The following RYR2 variants were observed in gnomAD, a reference collection of about 807,000 sequenced individuals.
The protein encoded by RYR2 is ryanodine receptor 2, also known as cardiac muscle ryanodine receptor-calcium release channel.
Under a neutral mutation model 601.1 loss-of-function variants are expected in RYR2, and 227 were observed. The observed-to-expected ratio is 0.38, with a 90% CI of 0.34 to 0.42. RYR2 has a LOEUF of 0.42. Ranked by LOEUF, RYR2 falls within the 10% of genes least tolerant of loss-of-function variation. The pLI is 1.00. For synonymous variants in RYR2, 2,223 were observed against 2,175.1 expected, an observed-to-expected ratio of 1.02 and a Z score of -0.61; for missense variants, 4,646 against 6,156.5, an observed-to-expected ratio of 0.75 and a Z score of 8.21.
intron 1 of RYR2, among the ~76,000 whole-genome samples, chr1:237,125,815 C>T (rs552624026): frequency 6.6e-6 from 1 of 152,284 alleles, no homozygotes; most frequent in African/African-American, 2.4e-5. Flanking sequence ...TGAAAATATC[C>T]ATTTTCAAAA....
chr1:237,592,818 C>G (rs1026475266), intron 32 of RYR2, among the ~76,000 whole-genome samples: 2 of 151,654 alleles, frequency 1.3e-5, no homozygotes, highest in African/African-American at 4.8e-5. Context: ...GTCAGGAGTT[C>G]GAGAACAGCC....
chr1:237,533,829 G>C (rs1049439921), intron 25 of RYR2, among the ~76,000 whole-genome samples: 1 of 152,120 alleles, frequency 6.6e-6, no homozygotes, highest in Non-Finnish European at 1.5e-5. Flanking sequence ...GCAACACACA[G>C]ATAGATGTAA....
Position 237,566,694 on chromosome 1 carries a change from G to A in RYR2, c.3342G>A (p.Arg1114=). The A allele has an allele frequency of 6.2e-7, 1 of 1,613,946 alleles. No homozygotes were observed. The highest frequency in any genetic ancestry group is 8.5e-7 in the Non-Finnish European group (1 of 1,179,878). The change falls in exon 28 of 105, where the codon AGG becomes AGA. Residue 1114 remains arginine (R), a synonymous_variant. Transcript: ENST00000366574. ...AGACGGTCACTGCTGGAGACATGAG[G>A]GTTGGTTGGAGTCGTCCTGGTTGTC... ...EFETVTAGDM[R]VGWSRPGCQP...
chr1:237,705,216 A>C lies in RYR2; in HGVS notation c.9453A>C (p.Gln3151His). ...CATAAGCATTTTCCACTTATAGGCA[A>C]CGTTCTGCATTAGGAGAATGTCTAG... ...GTSKSIYVER[Q>H]RSALGECLAA... is the part of the protein sequence containing the mutation. Residue 3151 changes from glutamine to histidine, a missense_variant, in exon 67 of 105, where the codon CAA becomes CAC. This residue lies in a region of RYR2 where 1,497 missense variants were observed against 1,842.6 expected (regional missense o/e 0.81). Transcript: ENST00000366574. 1 of 1,607,404 alleles carries C rather than the reference A, an allele frequency of 6.2e-7. No individual in the cohort carries two copies. Among genetic ancestry groups the C allele is most frequent in the Non-Finnish European group, 8.5e-7 (1 of 1,176,118 alleles).
chr1:237,250,573 G>A (rs6428999), intron 1 of RYR2, among the ~76,000 whole-genome samples: 33,338 of 151,956 alleles, frequency 0.22, 4,273 homozygotes, highest in African/African-American at 0.34. Flanking sequence ...TCCCTGTCTC[G>A]TATTCCTCAA....
intron 87 of RYR2, among the ~76,000 whole-genome samples, chr1:237,776,060 T>G (rs572564193): frequency 1.3e-5 from 2 of 152,312 alleles, no homozygotes; most frequent in South Asian, 4.1e-4. Context: ...GATTTAAACC[T>G]TAACTATCAC....
chr1:237,508,591 G>T (rs1572647565), intron 23 of RYR2, among the ~76,000 whole-genome samples: 1 of 151,836 alleles, frequency 6.6e-6, no homozygotes, highest in East Asian at 1.9e-4. Context: ...GTTATGTTTT[G>T]CAGTGGAACC....
rs189825751 is a variant in RYR2, at chr1:237,423,006, C to G, written c.849-86C>G. 4.1e-4 allele frequency: 579 copies of G among 1,428,756 alleles called. 3 individuals are homozygous for G. Among genetic ancestry groups the G allele is most frequent in the Non-Finnish European group, 4.9e-4 (519 of 1,054,298 alleles). The allele number at this position is 1,428,756 out of a possible 1,614,324, so 88.5% of individuals were successfully genotyped here. On this transcript the variant is annotated intron_variant, in intron 11 of 104. Transcript: ENST00000366574. ...GAGAACATTAAGACAATATATATGA[C>G]TGTTCATTGTCCGACATATGTTTTA...
chr1:237,643,673 C>T (rs1252941469), intron 48 of RYR2, among the ~76,000 whole-genome samples: 13 of 150,722 alleles, frequency 8.6e-5, no homozygotes, highest in Admixed American at 7.3e-4. Flanking sequence ...AGTGCAGTGG[C>T]ACAATCTTGG....
chr1:237,831,491 G>A lies in RYR2; in HGVS notation c.14757-23G>A, dbSNP rs1266203146. On this transcript the variant is annotated intron_variant, in intron 103 of 104. Transcript: ENST00000366574. ...TAATATTTCCATACCGTTCATTTCTGATCAGTTTCTCTGTATCTGTAGGTT... is the reference window on the plus strand; with the variant it reads ...TAATATTTCCATACCGTTCATTTCTAATCAGTTTCTCTGTATCTGTAGGTT... 2.2e-6 allele frequency: 3 copies of A among 1,362,370 alleles called. No homozygotes were observed. The South Asian group carries it at 3.6e-5, about 16-fold the overall frequency. The allele number at this position is 1,362,370 out of a possible 1,614,324, so 84.4% of individuals were successfully genotyped here. A position where few individuals can be genotyped will look rare whatever the true frequency, so the allele number is the denominator to read the frequency against.
chr1:237,687,596 A>G, intron 63 of RYR2, 92 bp downstream of exon 63: 1 of 964,038 alleles, frequency 1.0e-6, no homozygotes, highest in South Asian at 1.4e-5. Context: ...TGTTGCATGG[A>G]TGCATGTTTG....
intron 21 of RYR2, among the ~76,000 whole-genome samples, chr1:237,501,637 C>A (rs1431947638): frequency 6.6e-6 from 1 of 152,028 alleles, no homozygotes. Context: ...TATAATTCTC[C>A]CAGGAATAAT....
intron 100 of RYR2, among the ~76,000 whole-genome samples, chr1:237,811,199 C>T (rs116786466): frequency 0.016 from 2,435 of 152,196 alleles, 66 homozygotes; most frequent in African/African-American, 0.056. Context: ...AGTGACTGTT[C>T]CCTGGCAGGG....
chr1:237,180,237 G>A lies in RYR2; in HGVS notation c.49-90260G>A, dbSNP rs1481106726. On this transcript the variant is annotated intron_variant, in intron 1 of 104. Transcript: ENST00000366574. The surrounding 1 kb of genome is among the most constrained non-coding windows in gnomAD (Gnocchi z 5.3). ...CCTGGGGCTGGCTAGAGGACAGACA[G>A]GGGTGAGCACAGCTCAGGTGAGGAA... Among the ~76,000 whole-genome samples the A allele has an allele frequency of 6.6e-6, 1 of 151,032 alleles. No individual in the cohort carries two copies. The highest frequency in any genetic ancestry group is 1.5e-5 in the Non-Finnish European group (1 of 68,000).
At chr1:237,607,082 C>A (rs1425799446) in intron 35 of RYR2, among the ~76,000 whole-genome samples, 1 of 152,070 alleles carries the variant, frequency 6.6e-6, no homozygotes, top group Non-Finnish European at 1.5e-5. Flanking sequence ...GGGTATATAC[C>A]CAAAGGATTA....
chr1:237,561,824 G>C (rs1462817203), intron 27 of RYR2, among the ~76,000 whole-genome samples: 1 of 152,144 alleles, frequency 6.6e-6, no homozygotes, highest in Non-Finnish European at 1.5e-5. Context: ...ATTGGAGGGG[G>C]CAGTGCTTGG....
At chr1:237,210,356 GA>G (rs1278843912) in intron 1 of RYR2, among the ~76,000 whole-genome samples, 2 of 151,908 alleles carry the variant, frequency 1.3e-5, no homozygotes, top group African/African-American at 4.8e-5. Flanking sequence ...ATCCATTTTT[GA>G]ATAAAAAGAG....
chr1:237,478,751 G>T (rs994034465), intron 17 of RYR2, among the ~76,000 whole-genome samples: 18 of 151,790 alleles, frequency 1.2e-4, no homozygotes, highest in African/African-American at 4.1e-4. Context: ...TCTTTCCAAG[G>T]CCAGACAGCA....
At chr1:237,570,217 CAA>C (rs371744146) in intron 29 of RYR2, among the ~76,000 whole-genome samples, 5 of 130,178 alleles carry the variant, frequency 3.8e-5, no homozygotes, top group Non-Finnish European at 4.8e-5. Flanking sequence ...GACTGCATCT[CAA>C]AAAAAAAAAA....
Sources: allele counts gnomAD v4.1 joint callset (sites outside exome capture counted in the v4.1 genomes callset), GRCh38; gene constraint gnomAD v4.1.1; regional missense constraint gnomAD v4.1.1; non-coding constraint Gnocchi (gnomAD v3.1); transcripts MANE v1.5; gene names NCBI Gene and HGNC (gene_info 2026-07-23, HGNC 2026-07-21).